INSL6: variants seen among roughly 807,000 people sequenced by gnomAD.
INSL6 encodes the protein insulin-like peptide INSL6.
Under a neutral mutation model 9.4 loss-of-function variants are expected in INSL6, and 16 were observed. The ratio of observed to expected loss-of-function variants is 1.70; its 90% CI spans 1.15 to 2.59. The LOEUF (loss-of-function observed/expected upper bound fraction) is 2.59. INSL6 is among the 30% of genes most tolerant of loss of function. The pLI is 0.00. For synonymous variants in INSL6, 154 were observed against 96.9 expected (o/e 1.59, Z -3.46); for missense variants, 391 against 257.3 (o/e 1.52, Z -3.56).
At chr9:5,003,777 G>A in the INSL6 span, among the ~76,000 whole-genome samples, 14 of 152,080 alleles carry the variant, frequency 9.2e-5, no homozygotes, top group South Asian at 2.1e-4. Context: ...TGATTGTTAC[G>A]TTTTTGAACT....
chr9:5,028,164 T>C, the INSL6 span, among the ~76,000 whole-genome samples: 1 of 152,232 alleles, frequency 6.6e-6, no homozygotes, highest in Non-Finnish European at 1.5e-5. Context: ...GAAAGTCAAA[T>C]TGCTCCTTAT....
chr9:5,039,500 A>T, the INSL6 span, among the ~76,000 whole-genome samples: 1 of 152,128 alleles, frequency 6.6e-6, no homozygotes, highest in Non-Finnish European at 1.5e-5. Context: ...AGATTTTGGT[A>T]TGTGTGGGAG....
chr9:5,108,308 AATT>A, the INSL6 span: 1 of 151,956 alleles, frequency 6.6e-6, no homozygotes, highest in Non-Finnish European at 1.5e-5. Flanking sequence ...TTCCTACCCT[AATT>A]ATTATTATCA....
At chr9:5,037,753 GT>G in the INSL6 span, among the ~76,000 whole-genome samples, 2 of 152,140 alleles carry the variant, frequency 1.3e-5, no homozygotes, top group Admixed American at 1.3e-4. Flanking sequence ...TATACCTAAT[GT>G]TAAATGACGA....
At chr9:5,024,088 CT>C in the INSL6 span, among the ~76,000 whole-genome samples, 2 of 152,056 alleles carry the variant, frequency 1.3e-5, no homozygotes, top group African/African-American at 4.8e-5. Context: ...AACCTCATCT[CT>C]GCTAAAAATA....
chr9:5,144,035 T>A (rs1824552989), intron 2 of INSL6, among the ~76,000 whole-genome samples: 2 of 152,222 alleles, frequency 1.3e-5, no homozygotes, highest in Admixed American at 6.5e-5. Context: ...ATTTCTTGTC[T>A]TCTGCTAGCT....
intron 3 of INSL6, among the ~76,000 whole-genome samples, chr9:5,125,158 A>C (rs577684263): frequency 4.0e-5 from 6 of 151,244 alleles, no homozygotes; most frequent in Non-Finnish European, 5.9e-5. Flanking sequence ...GACCACCTCA[A>C]TATTGTGGTA....
At chr9:5,141,568 G>T (rs941850016) in intron 2 of INSL6, among the ~76,000 whole-genome samples, 15 of 150,006 alleles carry the variant, frequency 1.0e-4, no homozygotes, top group Non-Finnish European at 2.3e-4. Flanking sequence ...AATTTAATGG[G>T]TTTTTTCTTT....
chr9:5,064,842 C>G, the INSL6 span: 4 of 1,430,050 alleles, frequency 2.8e-6, no homozygotes, highest in Non-Finnish European at 3.7e-6. Flanking sequence ...ATGGAGTTGA[C>G]TTTCTAAAAG....
chr9:5,172,183 C>T (rs78948550), intron 1 of INSL6, among the ~76,000 whole-genome samples: 7,427 of 152,146 alleles, frequency 0.049, 592 homozygotes, highest in African/African-American at 0.17. Flanking sequence ...GAAATAAGAC[C>T]GCACATCTAT....
intron 2 of INSL6, among the ~76,000 whole-genome samples, chr9:5,146,103 T>C (rs1018136284): frequency 5.9e-5 from 9 of 152,182 alleles, no homozygotes; most frequent in South Asian, 2.1e-4. Flanking sequence ...ATCTTTGAGG[T>C]TGTTAACCTT....
At chr9:5,012,555 A>G in the INSL6 span, among the ~76,000 whole-genome samples, 1 of 152,158 alleles carries the variant, frequency 6.6e-6, no homozygotes, top group Non-Finnish European at 1.5e-5. Context: ...TAAGGGAGGC[A>G]ACCCAGCCTT....
the INSL6 span, among the ~76,000 whole-genome samples, chr9:5,021,619 CTTTA>C: frequency 1.3e-5 from 2 of 152,014 alleles, no homozygotes; most frequent in African/African-American, 4.8e-5. Flanking sequence ...CCATTTGTAA[CTTTA>C]TTTATTTATG....
the INSL6 span, among the ~76,000 whole-genome samples, chr9:5,068,790 T>G: frequency 6.6e-6 from 1 of 152,228 alleles, no homozygotes; most frequent in East Asian, 1.9e-4. Context: ...TATCATTGCC[T>G]TCTTACATGC....
chr9:5,020,430 T>A, the INSL6 span, among the ~76,000 whole-genome samples: 2 of 151,864 alleles, frequency 1.3e-5, no homozygotes, highest in Admixed American at 6.6e-5. Context: ...GCAGGTGCTG[T>A]TTGTGGTGGG....
At chr9:5,072,522 A>G in the INSL6 span, 2 of 1,596,916 alleles carry the variant, frequency 1.3e-6, no homozygotes, top group Non-Finnish European at 1.7e-6. Flanking sequence ...CACTTTTACA[A>G]AGATTTTTAA....
chr9:5,143,696 G>T (rs1261038266), intron 2 of INSL6, among the ~76,000 whole-genome samples: 1 of 146,248 alleles, frequency 6.8e-6, no homozygotes, highest in Non-Finnish European at 1.5e-5. Flanking sequence ...GTCTCACTCT[G>T]TTGCCCAGGC....
chr9:5,174,104 G>A (rs1045692182), intron 1 of INSL6, among the ~76,000 whole-genome samples: 1 of 152,130 alleles, frequency 6.6e-6, no homozygotes, highest in Non-Finnish European at 1.5e-5. Context: ...CACTACTCCA[G>A]CAATCCTTCT....
the INSL6 span, chr9:5,081,664 C>T: frequency 8.4e-7 from 1 of 1,184,530 alleles, no homozygotes; most frequent in Non-Finnish European, 1.2e-6. Flanking sequence ...GAATGTATAT[C>T]AGTTTAGTCC....
Sources: gnomAD v4.1 joint callset for allele counts (sites outside exome capture counted in the v4.1 genomes callset) on GRCh38, gnomAD v4.1.1 for gene constraint, MANE v1.5 for transcripts, NCBI Gene and HGNC (gene_info 2026-07-23, HGNC 2026-07-21) for gene names.